The following CCDC30 variants were observed in gnomAD, a reference collection of about 807,000 sequenced individuals.
CCDC30 encodes the protein coiled-coil domain containing 30.
In CCDC30, 70 loss-of-function variants were observed where a neutral mutation model predicts 100.2. That is an observed-to-expected ratio of 0.70 (90% confidence interval 0.58 to 0.85). The LOEUF (loss-of-function observed/expected upper bound fraction) is 0.85. Ranked by LOEUF, CCDC30 falls within the 40% of genes least tolerant of loss-of-function variation. The probability of loss-of-function intolerance (pLI) is 0.00; values close to 1 mark genes in which losing one functional copy is unlikely to be tolerated. For synonymous variants in CCDC30, 233 were observed against 269.5 expected, an observed-to-expected ratio of 0.86 and a Z score of 1.33; for missense variants, 652 against 771.2, an observed-to-expected ratio of 0.85 and a Z score of 1.83.
At chr1:42,614,408 G>T (rs543064263) in intron 11 of CCDC30, among the ~76,000 whole-genome samples, 187 of 151,954 alleles carry the variant, frequency 1.2e-3, no homozygotes, top group Admixed American at 2.1e-3. Context: ...TATAATTTGC[G>T]TATAATAAAT....
At chr1:42,553,652 TACACACACACACAC>T (rs60429759) in intron 6 of CCDC30, among the ~76,000 whole-genome samples, 8 of 133,750 alleles carry the variant, frequency 6.0e-5, no homozygotes, top group African/African-American at 8.6e-5. Flanking sequence ...TGAGATTCCA[TACACACACACACAC>T]ACACACACAC....
chr1:42,641,804 G>A (rs190787898), intron 12 of CCDC30, among the ~76,000 whole-genome samples: 18 of 151,946 alleles, frequency 1.2e-4, no homozygotes, highest in African/African-American at 3.6e-4. Context: ...GTAGTGAGCC[G>A]AGATATTGCC....
At chr1:42,456,997 C>A in the CCDC30 span, 1 of 1,602,352 alleles carries the variant, frequency 6.2e-7, no homozygotes, top group Non-Finnish European at 8.5e-7. Context: ...CAGGCACCTT[C>A]CTGGCAGTAG....
At chr1:42,545,436 A>G in intron 6 of CCDC30, 1 of 1,582,408 alleles carries the variant, frequency 6.3e-7, no homozygotes, top group Non-Finnish European at 8.5e-7. Context: ...AAGAATTTGC[A>G]CAATTAAATC....
At chr1:42,636,835 A>G (rs2147311) in intron 11 of CCDC30, among the ~76,000 whole-genome samples, 146,739 of 151,450 alleles carry the variant, frequency 0.97, 71,240 homozygotes, top group African/African-American at 0.99. Context: ...GCATGGTGGC[A>G]GGCACCTGTA....
intron 9 of CCDC30, among the ~76,000 whole-genome samples, chr1:42,588,256 G>T (rs947356461): frequency 6.6e-6 from 1 of 152,180 alleles, no homozygotes; most frequent in Non-Finnish European, 1.5e-5. Flanking sequence ...CAGTTGGGCT[G>T]GTTTCATGAT....
chr1:42,615,748 A>C (rs1234459492), intron 11 of CCDC30, among the ~76,000 whole-genome samples: 1 of 152,186 alleles, frequency 6.6e-6, no homozygotes, highest in East Asian at 1.9e-4. Flanking sequence ...TTAATGCTTT[A>C]TTATAATTAT....
chr1:42,472,011 A>T (rs926333287), intron 1 of CCDC30, among the ~76,000 whole-genome samples: 2 of 152,176 alleles, frequency 1.3e-5, no homozygotes, highest in Admixed American at 6.5e-5. Flanking sequence ...AGCAAGTCCT[A>T]TTAATAGTTA....
chr1:42,470,722 G>C (rs920131347), intron 1 of CCDC30, among the ~76,000 whole-genome samples: 1 of 152,212 alleles, frequency 6.6e-6, no homozygotes, highest in Non-Finnish European at 1.5e-5. Context: ...AATATTGTAT[G>C]ATTCCATTTC....
intron 6 of CCDC30, among the ~76,000 whole-genome samples, chr1:42,527,903 T>G (rs1005637312): frequency 6.6e-6 from 1 of 152,062 alleles, no homozygotes; most frequent in African/African-American, 2.4e-5. Flanking sequence ...TTTGCTCTTG[T>G]CACCAAGGCT....
intron 15 of CCDC30, among the ~76,000 whole-genome samples, chr1:42,649,467 A>G (rs890690542): frequency 6.6e-6 from 1 of 152,238 alleles, no homozygotes; most frequent in Admixed American, 6.5e-5. Context: ...AATAAAGGCC[A>G]TATATGACAA....
chr1:42,487,168 T>C (rs1644065986), intron 3 of CCDC30, among the ~76,000 whole-genome samples: 1 of 150,662 alleles, frequency 6.6e-6, no homozygotes, highest in South Asian at 2.1e-4. Context: ...GGGCTAGGTA[T>C]GAAAATTGGG....
chr1:42,601,841 C>G (rs542037385), intron 10 of CCDC30, among the ~76,000 whole-genome samples: 1 of 152,250 alleles, frequency 6.6e-6, no homozygotes, highest in Non-Finnish European at 1.5e-5. Flanking sequence ...GCAAGGAGAC[C>G]GTGACCAGCC....
At chr1:42,606,109 A>G (rs1167170207) in intron 10 of CCDC30, among the ~76,000 whole-genome samples, 2 of 152,212 alleles carry the variant, frequency 1.3e-5, no homozygotes, top group Non-Finnish European at 2.9e-5. Context: ...ATTTATGAAA[A>G]CACACACACA....
chr1:42,625,974 A>G (rs1416587799), intron 11 of CCDC30, among the ~76,000 whole-genome samples: 2 of 152,086 alleles, frequency 1.3e-5, no homozygotes, highest in Non-Finnish European at 2.9e-5. Context: ...CTATTACTGT[A>G]TTGGGATCTG....
At chr1:42,618,814 C>G (rs911654056) in intron 11 of CCDC30, among the ~76,000 whole-genome samples, 1 of 152,196 alleles carries the variant, frequency 6.6e-6, no homozygotes, top group Non-Finnish European at 1.5e-5. Flanking sequence ...TAATTCACTA[C>G]CATATCCACA....
intron 6 of CCDC30, 194 bp downstream of exon 7, chr1:42,536,795 T>C: frequency 1.9e-6 from 1 of 517,176 alleles, no homozygotes; most frequent in Non-Finnish European, 3.4e-6. Context: ...AAGATCAAGG[T>C]GCCAGCCAAG....
intron 8 of CCDC30, among the ~76,000 whole-genome samples, chr1:42,579,393 G>A (rs1645913196): frequency 6.6e-6 from 1 of 151,896 alleles, no homozygotes; most frequent in Non-Finnish European, 1.5e-5. Flanking sequence ...CAGCACTTTG[G>A]GAGGCCAAGG....
chr1:42,584,254 C>T (rs764082146), intron 9 of CCDC30, among the ~76,000 whole-genome samples: 2 of 152,122 alleles, frequency 1.3e-5, no homozygotes, highest in Non-Finnish European at 2.9e-5. Flanking sequence ...TACAAAGCTA[C>T]TCTATTAAAA....
Sources: allele counts gnomAD v4.1 joint callset (sites outside exome capture counted in the v4.1 genomes callset), GRCh38; gene constraint gnomAD v4.1.1; transcripts MANE v1.5; gene names NCBI Gene and HGNC (gene_info 2026-07-23, HGNC 2026-07-21).